The following CCDC187 variants were observed in gnomAD, a reference collection of about 807,000 sequenced individuals.
CCDC187 encodes coiled-coil domain-containing protein 187.
A neutral mutation model predicts 38.0 loss-of-function variants in CCDC187; 32 were observed. The observed-to-expected ratio is 0.84, with a 90% confidence interval of 0.64 to 1.13. CCDC187 has a LOEUF of 1.13. Among genes scored for constraint, CCDC187 ranks in the 50% most tolerant of loss-of-function variants. The pLI is 0.00. For missense variants in CCDC187, 707 were observed against 786.8 expected (o/e 0.90, Z 1.21); for synonymous variants, 333 against 347.9 (o/e 0.96, Z 0.48).
intron 9 of CCDC187, among the ~76,000 whole-genome samples, chr9:136,282,816 G>T (rs942260043): frequency 2.0e-5 from 3 of 152,252 alleles, no homozygotes; most frequent in Non-Finnish European, 4.4e-5. Context: ...TGCCCAGGCC[G>T]TGAGGGGCTG....
At position 136,293,145 on chromosome 9, in the gene CCDC187, TCACAAA is replaced by T. The variant is rs1347228535; in HGVS notation, c.833-856_833-851del. ...CACAAACACTCACATGCTCACACAC[TCACAAA>T]CACATGCTCACACACTCACATGCTC... On this transcript the variant is annotated intron_variant, in intron 4 of 25. Transcript: ENST00000638797. 1.1e-4 allele frequency among the ~76,000 whole-genome samples: 15 copies of T among 142,088 alleles called. 1 individual carries two copies. Among genetic ancestry groups the T allele is most frequent in the East Asian group, 4.2e-4 (2 of 4,780 alleles). The allele number at this position is 142,088 out of a possible 152,430, so 93.2% of individuals were successfully genotyped here.
chr9:136,262,622 T>C (rs1042836589), intron 18 of CCDC187, among the ~76,000 whole-genome samples, 160 bp from the exon 19 acceptor site: 2 of 152,148 alleles, frequency 1.3e-5, no homozygotes, highest in Non-Finnish European at 2.9e-5. Context: ...GACCTCTCAT[T>C]TGAGCAGGGG....
At position 136,271,843 on chromosome 9, in the gene CCDC187, G is replaced by A. The variant is rs138965583; in HGVS notation, c.3442+2815C>T. On this transcript the variant is annotated intron_variant, in intron 14 of 25. Coordinates refer to ENST00000638797, the MANE Select transcript of CCDC187 (RefSeq NM_001378188.1). ...AGGATGGTCTTGATCTCCTGACCTC[G>A]TGATCCACCTGCCTGGGCCTCCCAC... Among the ~76,000 whole-genome samples, 567 of 152,126 alleles carry A rather than the reference G, an allele frequency of 3.7e-3. 3 individuals are homozygous for A. Among genetic ancestry groups the A allele is most frequent in the African/African-American group, 0.013 (524 of 41,492 alleles).
At chr9:136,296,179 C>A (rs1419225513) in intron 4 of CCDC187, 5 of 152,456 alleles carry the variant, frequency 3.3e-5, no homozygotes. Flanking sequence ...CCCCTCCCCA[C>A]GGCCCCAGGG....
chr9:136,289,087 C>T (rs1309015262), intron 7 of CCDC187, among the ~76,000 whole-genome samples: 1 of 152,218 alleles, frequency 6.6e-6, no homozygotes, highest in African/African-American at 2.4e-5. Flanking sequence ...CAGCCACAGA[C>T]TCAATGAAGT....
intron 14 of CCDC187, among the ~76,000 whole-genome samples, chr9:136,271,982 C>G (rs1425319885): frequency 3.3e-5 from 5 of 152,112 alleles, no homozygotes; most frequent in Non-Finnish European, 7.4e-5. Flanking sequence ...CAATCAATTT[C>G]TTGTCACAAA....
At position 136,286,416 on chromosome 9, in the gene CCDC187, G is replaced by A. The variant is rs1831182445; in HGVS notation, c.2502C>T (p.Leu834=). 1 of 398,708 alleles carries A rather than the reference G, an allele frequency of 2.5e-6. No homozygotes were observed. The highest frequency in any genetic ancestry group is 4.4e-6 in the Non-Finnish European group (1 of 226,100). 24.7% of individuals were successfully genotyped at this position (398,708 alleles called of 1,614,324 possible). Residue 834 remains leucine, a synonymous_variant, in exon 8 of 26, where the codon CTC becomes CTT. Transcript: ENST00000638797. ...CGGTGAGGCTATCGACCCGCTGCTT[G>A]AGGACTTTGGCTGTGGTCTCTAGCG... is the stretch of plus-strand genomic sequence containing the variant. The part of the protein sequence containing the change: ...LQALETTAKV[L]KQRVDSLTAK...
rs1169443636 is a variant in CCDC187 at position 136,253,752 on chromosome 9, C to T, written c.6076G>A (p.Glu2026Lys). 2.0e-6 allele frequency: 2 copies of T among 985,464 alleles called. No homozygotes were observed. The highest frequency in any genetic ancestry group is 2.4e-6 in the Non-Finnish European group (2 of 830,000). The allele number at this position is 985,464 out of a possible 1,614,324, so 61.0% of individuals were successfully genotyped here. ...GCATCCGAGCATGGGTTGGTGTCTTCACCATCACTCTGTGCTTGGGGAGTG... is the reference window on the plus strand; with the variant it reads ...GCATCCGAGCATGGGTTGGTGTCTTTACCATCACTCTGTGCTTGGGGAGTG... Reference protein sequence around the residue: ...PPTPQAQSDGEDTNPCSDAFP... With the variant: ...PPTPQAQSDGKDTNPCSDAFP... The change falls in exon 26 of 26, where the codon GAA (glutamate) becomes AAA (lysine). Residue 2026 changes from glutamate to lysine, a missense_variant. Coordinates refer to ENST00000638797, the MANE Select transcript of CCDC187 (RefSeq NM_001378188.1).
At chr9:136,276,055 T>C (rs973230063) in intron 12 of CCDC187, 139 bp downstream of exon 12, 61 of 152,258 alleles carry the variant, frequency 4.0e-4, no homozygotes, top group Middle Eastern at 3.4e-3. Context: ...AAGGGAGCTC[T>C]AGCCTCTGGC....
intron 7 of CCDC187, among the ~76,000 whole-genome samples, chr9:136,288,088 G>A (rs1408736257): frequency 4.6e-5 from 7 of 152,174 alleles, no homozygotes; most frequent in African/African-American, 7.2e-5. Context: ...CCAGCTACTC[G>A]GGAGGCTGTC....
At position 136,294,248 on chromosome 9, in the gene CCDC187, A is replaced by T. The variant is rs1218754710; in HGVS notation, c.833-1953T>A. ...TATACACACGCCCTCACGTGGTCTC[A>T]CACTCTCACGCGCTCATATACACAC... On this transcript the variant is annotated intron_variant, in intron 4 of 25. Transcript: ENST00000638797. 4.3e-3 allele frequency among the ~76,000 whole-genome samples: 639 copies of T among 147,278 alleles called. 1 individual carries two copies. Among genetic ancestry groups the T allele is most frequent in the African/African-American group, 0.013 (505 of 39,290 alleles).
At chr9:136,260,390 G>T in intron 19 of CCDC187, 126 bp from the exon 20 acceptor site, 2 of 664,012 alleles carry the variant, frequency 3.0e-6, no homozygotes, top group Non-Finnish European at 3.7e-6. Context: ...TCCAGGGATG[G>T]CTGTGGTCAG....
chr9:136,284,167 G>A (rs1446672401), intron 9 of CCDC187, among the ~76,000 whole-genome samples: 6 of 152,064 alleles, frequency 3.9e-5, no homozygotes, highest in Non-Finnish European at 5.9e-5. Context: ...TGGGCTTCGG[G>A]AGAGGGCGCC....
chr9:136,297,667 G>A (rs1410404265), intron 4 of CCDC187, 47 bp downstream of exon 4: 2 of 399,468 alleles, frequency 5.0e-6, no homozygotes, highest in African/African-American at 2.1e-5. Flanking sequence ...AGAGTGCCAG[G>A]ATCATATGCA....
chr9:136,281,789 A>AC (rs1454496181), intron 9 of CCDC187, 126 bp from the exon 10 acceptor site: 1 of 396,816 alleles, frequency 2.5e-6, no homozygotes, highest in African/African-American at 2.1e-5. Flanking sequence ...CAGCTCTCAG[A>AC]CCCCCAACAG....
chr9:136,296,145 G>A (rs1034744940), intron 4 of CCDC187: 4 of 152,344 alleles, frequency 2.6e-5, no homozygotes, highest in Non-Finnish European at 5.9e-5. Flanking sequence ...ACCTGGGCAC[G>A]GACAGAACGC....
chr9:136,290,067 C>T lies in CCDC187; in HGVS notation c.2128-14G>A, dbSNP rs1831280253. The T allele has an allele frequency of 2.5e-6, 1 of 398,858 alleles. No individual in the cohort carries two copies. Among genetic ancestry groups the T allele is most frequent in the East Asian group, 3.6e-5 (1 of 28,070 alleles). The allele number at this position is 398,858 out of a possible 1,614,324, so 24.7% of individuals were successfully genotyped here. A position where few individuals can be genotyped will look rare whatever the true frequency, so the allele number is the denominator to read the frequency against. On this transcript the variant is annotated splice_polypyrimidine_tract_variant and intron_variant, in intron 6 of 25. Transcript: ENST00000638797. ...GGCTTCCAGGCCCTAAAGTAGAGGG[C>T]AATGCCATCAGAGCCCCCCGCTCGG...
At position 136,290,709 on chromosome 9, in the gene CCDC187, C is replaced by A; in HGVS notation, c.1904G>T (p.Ser635Ile). 2.5e-6 allele frequency: 1 copy of A among 398,576 alleles called. No homozygotes were observed. Among genetic ancestry groups the A allele is most frequent in the South Asian group, 1.3e-4 (1 of 7,864 alleles). The allele number at this position is 398,576 out of a possible 1,614,324, so 24.7% of individuals were successfully genotyped here. Residue 635 changes from serine to isoleucine, a missense_variant, in exon 6 of 26, where the codon AGC becomes ATC. Physicochemically the swap from Ser to Ile is moderately radical, Grantham distance 142. Transcript: ENST00000638797. ...CATGAACTCCCGCAAGGACTCAGAG[C>A]TGTGCGAGGGTCCCAGGAGCCCCCG... ...RSRGLLGPSH[S>I]SESLREFMRQ...
At chr9:136,263,893 G>A (rs1830709640) in intron 17 of CCDC187, 95 bp from the exon 18 acceptor site, 3 of 874,558 alleles carry the variant, frequency 3.4e-6, no homozygotes, top group Non-Finnish European at 4.1e-6. Flanking sequence ...GGATGCCCTG[G>A]CCCTCACACT....
Sources: allele counts gnomAD v4.1 joint callset (sites outside exome capture counted in the v4.1 genomes callset), GRCh38; gene constraint gnomAD v4.1.1; transcripts MANE v1.5; gene names NCBI Gene and HGNC (gene_info 2026-07-23, HGNC 2026-07-21).